GUCA1C: variants seen among roughly 807,000 people sequenced by gnomAD.
The protein encoded by GUCA1C is guanylyl cyclase-activating protein 3.
In GUCA1C, 15 loss-of-function variants were observed where a neutral mutation model predicts 16.2. The observed-to-expected ratio is 0.93, with a 90% CI of 0.62 to 1.43. GUCA1C has a LOEUF of 1.43. Among genes scored for constraint, GUCA1C ranks in the 40% most tolerant of loss-of-function variants. The pLI is 0.00. For missense variants in GUCA1C, 275 were observed against 244.8 expected (o/e 1.12, Z -0.82); for synonymous variants, 78 against 85.4 (o/e 0.91, Z 0.48).
intron 1 of GUCA1C, among the ~76,000 whole-genome samples, chr3:108,926,293 C>G (rs537578144): frequency 2.6e-5 from 4 of 152,138 alleles, no homozygotes; most frequent in Admixed American, 2.6e-4. Flanking sequence ...TTTTCCACCC[C>G]CTTACCTTAA....
intron 1 of GUCA1C, among the ~76,000 whole-genome samples, chr3:108,928,914 G>A (rs1946644416): frequency 6.6e-6 from 1 of 152,120 alleles, no homozygotes; most frequent in South Asian, 2.1e-4. Flanking sequence ...TTATATTGGC[G>A]ATTCTGGGTC....
At chr3:108,938,886 T>G (rs1420242292) in intron 1 of GUCA1C, among the ~76,000 whole-genome samples, 1 of 152,208 alleles carries the variant, frequency 6.6e-6, no homozygotes, top group Admixed American at 6.5e-5. Context: ...TTTCTGGATA[T>G]CAGAAAGCCC....
chr3:108,920,435 C>T lies in GUCA1C; in HGVS notation c.354+1G>A. On this transcript the variant is annotated splice_donor_variant, in intron 2 of 3. Coordinates refer to ENST00000261047, the MANE Select transcript of GUCA1C (RefSeq NM_005459.4). LOFTEE classifies it high-confidence loss of function. ...AAAGGATACTTTACTACTTCACTTA[C>T]CATGAACATGTCCAGTAGTTCATTT... 6.2e-7 allele frequency: 1 copy of T among 1,605,448 alleles called. No homozygotes were observed. Among genetic ancestry groups the T allele is most frequent in the Non-Finnish European group, 8.5e-7 (1 of 1,172,610 alleles).
rs1386839969 is a variant in GUCA1C, at chr3:108,920,466, A to G, written c.324T>C (p.Ile108=). The G allele has an allele frequency of 6.2e-7, 1 of 1,608,956 alleles. No individual in the cohort carries two copies. Among genetic ancestry groups the G allele is most frequent in the East Asian group, 2.2e-5 (1 of 44,812 alleles). The change falls in exon 2 of 4, where the codon ATT becomes ATC. Residue 108 remains isoleucine (I), a synonymous_variant. Coordinates refer to ENST00000261047, the MANE Select transcript of GUCA1C (RefSeq NM_005459.4). ...KLYDADGNGS[I]DKNELLDMFM... is the part of the protein sequence containing the mutation. ...ACATGTCCAGTAGTTCATTTTTGTC[A>G]ATAGAACCATTTCCATCAGCATCAT...
At chr3:108,928,210 T>C (rs1946639249) in intron 1 of GUCA1C, among the ~76,000 whole-genome samples, 2 of 152,344 alleles carry the variant, frequency 1.3e-5, no homozygotes, top group African/African-American at 4.8e-5. Context: ...CAAAAGTCCA[T>C]GATGTCAGTC....
intron 1 of GUCA1C, among the ~76,000 whole-genome samples, chr3:108,945,028 T>C (rs1428042094): frequency 6.6e-6 from 1 of 152,196 alleles, no homozygotes; most frequent in Non-Finnish European, 1.5e-5. Flanking sequence ...AGCCTCTGCA[T>C]GGATGTCAGT....
intron 1 of GUCA1C, among the ~76,000 whole-genome samples, chr3:108,946,342 T>C (rs1342320082): frequency 6.6e-6 from 1 of 152,124 alleles, no homozygotes; most frequent in Non-Finnish European, 1.5e-5. Flanking sequence ...ATGTTGCCCA[T>C]GCTGGTCTCG....
At position 108,920,508 on chromosome 3, in the gene GUCA1C, T is replaced by A; in HGVS notation, c.282A>T (p.Lys94Asn). ...CAGCATCATACAGCTTAAAATACCA[T>A]TTTAATTTTTGCTCCATTTTTTCTT... The part of the protein sequence containing the change: ...IMQEKMEQKL[K>N]WYFKLYDADG... Residue 94 changes from lysine to asparagine, a missense_variant, in exon 2 of 4, where the codon AAA (lysine) becomes AAT (asparagine). Lys to Asn is a moderately conservative substitution (Grantham distance 94). Coordinates refer to ENST00000261047, the MANE Select transcript of GUCA1C (RefSeq NM_005459.4). 1 of 1,599,222 alleles carries A rather than the reference T, an allele frequency of 6.3e-7. No homozygotes were observed. Among genetic ancestry groups the A allele is most frequent in the South Asian group, 1.1e-5 (1 of 90,738 alleles).
At chr3:108,938,003 G>T (rs1946745772) in intron 1 of GUCA1C, among the ~76,000 whole-genome samples, 1 of 152,046 alleles carries the variant, frequency 6.6e-6, no homozygotes, top group South Asian at 2.1e-4. Flanking sequence ...CCGGGAGGCG[G>T]AGGTTGCAGT....
intron 3 of GUCA1C, among the ~76,000 whole-genome samples, chr3:108,908,776 C>T (rs1327543148): frequency 6.6e-6 from 1 of 152,172 alleles, no homozygotes; most frequent in African/African-American, 2.4e-5. Context: ...TGCTGGCCAG[C>T]CCACTGCTGT....
At chr3:108,942,068 G>A (rs1946791674) in intron 1 of GUCA1C, among the ~76,000 whole-genome samples, 1 of 152,118 alleles carries the variant, frequency 6.6e-6, no homozygotes. Flanking sequence ...CAATTCAAGG[G>A]TGCAGTCAGC....
chr3:108,921,044 T>C (rs1946565407), intron 1 of GUCA1C, among the ~76,000 whole-genome samples: 1 of 152,198 alleles, frequency 6.6e-6, no homozygotes, highest in Non-Finnish European at 1.5e-5. Context: ...ATTATAGTAT[T>C]GCATAGAGTA....
intron 1 of GUCA1C, among the ~76,000 whole-genome samples, chr3:108,934,568 T>C (rs568140293): frequency 3.3e-5 from 5 of 152,268 alleles, no homozygotes; most frequent in Admixed American, 3.3e-4. Flanking sequence ...TATGCACTTG[T>C]AAGTTCACAA....
chr3:108,936,297 C>A (rs1412610180), intron 1 of GUCA1C, among the ~76,000 whole-genome samples: 3 of 151,686 alleles, frequency 2.0e-5, no homozygotes, highest in Non-Finnish European at 4.4e-5. Context: ...AAAATATTAT[C>A]TTATTATTTA....
rs552980387 is a variant in GUCA1C, at chr3:108,922,832, C to G, written c.205-2247G>C. On this transcript the variant is annotated intron_variant, in intron 1 of 3. Coordinates refer to ENST00000261047, the MANE Select transcript of GUCA1C (RefSeq NM_005459.4). ...TGCTATCCCTCCCCTAGCCCCCTAC[C>G]CGCCGACAGGCCCCTCCCTGTGTCC... is the stretch of plus-strand genomic sequence containing the variant. Among the ~76,000 whole-genome samples, 161 of 152,258 alleles carry G rather than the reference C, an allele frequency of 1.1e-3. 1 individual carries two copies. Among genetic ancestry groups the G allele is most frequent in the African/African-American group, 3.8e-3 (157 of 41,544 alleles).
At chr3:108,950,055 C>T (rs6790875) in intron 1 of GUCA1C, among the ~76,000 whole-genome samples, 28,456 of 152,172 alleles carry the variant, frequency 0.19, 2,764 homozygotes, top group Middle Eastern at 0.27. Flanking sequence ...TCCCCATCAC[C>T]CCCAGTCCTT....
At chr3:108,936,883 G>A (rs1312323346) in intron 1 of GUCA1C, among the ~76,000 whole-genome samples, 2 of 152,116 alleles carry the variant, frequency 1.3e-5, no homozygotes, top group Admixed American at 6.5e-5. Context: ...CACTTCTAGG[G>A]CCCTCCCACA....
chr3:108,954,278 A>T (rs55792051), upstream of GUCA1C, among the ~76,000 whole-genome samples: 346 of 152,320 alleles, frequency 2.3e-3, no homozygotes, highest in Non-Finnish European at 3.5e-3. Flanking sequence ...TTTAGATAAC[A>T]TTTTACATGA....
chr3:108,921,852 G>T (rs1946571878), intron 1 of GUCA1C, among the ~76,000 whole-genome samples: 1 of 151,920 alleles, frequency 6.6e-6, no homozygotes, highest in Non-Finnish European at 1.5e-5. Flanking sequence ...GTTTTTTAGT[G>T]GTGATTTCTG....
Sources: allele counts gnomAD v4.1 joint callset (sites outside exome capture counted in the v4.1 genomes callset), GRCh38; gene constraint gnomAD v4.1.1; transcripts MANE v1.5; gene names NCBI Gene and HGNC (gene_info 2026-07-23, HGNC 2026-07-21).